The following INSC variants were observed in gnomAD, a reference collection of about 807,000 sequenced individuals.
The protein encoded by INSC is INSC spindle orientation adaptor protein, also known as protein inscuteable homolog.
A neutral mutation model predicts 58.6 loss-of-function variants in INSC; 67 were observed. The ratio of observed to expected loss-of-function variants is 1.14; its 90% CI spans 0.94 to 1.40. INSC has a LOEUF of 1.40. Ranked by LOEUF, INSC falls within the 40% of genes most tolerant of loss-of-function variation. The pLI is 0.00. For synonymous variants in INSC, 262 were observed against 276.1 expected (o/e 0.95, Z 0.51); for missense variants, 714 against 692.0 (o/e 1.03, Z -0.36).
intron 1 of INSC, among the ~76,000 whole-genome samples, chr11:15,137,113 T>A (rs1212474148): frequency 6.6e-6 from 1 of 152,220 alleles, no homozygotes; most frequent in Non-Finnish European, 1.5e-5. Context: ...GTATCATCAA[T>A]GAGCAATAAT....
chr11:15,124,214 A>G (rs1478445414), intron 1 of INSC, among the ~76,000 whole-genome samples: 1 of 152,150 alleles, frequency 6.6e-6, no homozygotes, highest in Non-Finnish European at 1.5e-5. Context: ...TATGGTCCTC[A>G]CAGCTCAGAA....
upstream of INSC, chr11:15,112,412 G>A (rs79196423): frequency 8.2e-4 from 1,157 of 1,413,830 alleles, 14 homozygotes; most frequent in East Asian, 0.024. Flanking sequence ...AGGGAAAGAA[G>A]CTGTTCACAG....
At chr11:15,183,927 A>T (rs1464032153) in intron 5 of INSC, among the ~76,000 whole-genome samples, 1 of 152,204 alleles carries the variant, frequency 6.6e-6, no homozygotes, top group Admixed American at 6.5e-5. Flanking sequence ...ACTGCCTGTT[A>T]ACAAAAGAAA....
At chr11:15,149,318 G>A (rs942604340) in intron 2 of INSC, 88 bp downstream of exon 2, 77 of 1,297,170 alleles carry the variant, frequency 5.9e-5, no homozygotes, top group Non-Finnish European at 7.5e-5. Context: ...GGCTGCAGGT[G>A]ACCCCATCTT....
At position 15,240,426 on chromosome 11, in the gene INSC, C is replaced by T. The variant is rs146629692; in HGVS notation, c.1394-21C>T. The stretch of plus-strand genomic sequence containing the variant: ...GCTGGGCCCTGTCCTGGGCCTGAGG[C>T]TCTCCCTGTGTCTCCTACAGGCATG... On this transcript the variant is annotated intron_variant, in intron 11 of 12. Coordinates refer to ENST00000379556, the MANE Select transcript of INSC (RefSeq NM_001042536.3). The T allele has an allele frequency of 3.1e-6, 5 of 1,608,952 alleles. No homozygotes were observed. In the Admixed American group the frequency reaches 6.7e-5, roughly 21 times the overall value.
At chr11:15,204,882 C>T (rs184675798) in intron 7 of INSC, among the ~76,000 whole-genome samples, 57 of 152,308 alleles carry the variant, frequency 3.7e-4, no homozygotes, top group Admixed American at 1.2e-3. Flanking sequence ...TTCCTTCAAC[C>T]GTGAAGAGGT....
intron 7 of INSC, among the ~76,000 whole-genome samples, chr11:15,203,030 T>C (rs761599693): frequency 5.3e-5 from 8 of 152,212 alleles, no homozygotes; most frequent in Admixed American, 6.5e-5. Context: ...CATATGTCCT[T>C]TCATTAATGC....
intron 7 of INSC, among the ~76,000 whole-genome samples, chr11:15,218,496 G>T (rs1851307383): frequency 6.6e-6 from 1 of 151,924 alleles, no homozygotes; most frequent in Non-Finnish European, 1.5e-5. Context: ...TTGGATATTA[G>T]GCATATACAT....
chr11:15,175,892 C>T lies in INSC; in HGVS notation c.208C>T (p.Pro70Ser). 1 of 1,614,072 alleles carries T rather than the reference C, an allele frequency of 6.2e-7. No individual in the cohort carries two copies. Among genetic ancestry groups the T allele is most frequent in the Non-Finnish European group, 8.5e-7 (1 of 1,179,958 alleles). ...CCTCATCCTGGCAGGTGGCCCTGGC[C>T]CTGGAGACCCCCTGCAGCTGCTGCT... Reference protein sequence around the residue: ...GDLILAGGPGPGDPLQLLLKR... With the variant: ...GDLILAGGPGSGDPLQLLLKR... The change falls in exon 3 of 13, where the codon CCT becomes TCT. Residue 70 changes from proline to serine, a missense_variant. Physicochemically the swap from Pro to Ser is moderately conservative, Grantham distance 74 (BLOSUM62 -1). Coordinates refer to ENST00000379556, the MANE Select transcript of INSC (RefSeq NM_001042536.3).
chr11:15,167,718 A>G (rs1457415701), intron 2 of INSC, among the ~76,000 whole-genome samples: 5 of 151,998 alleles, frequency 3.3e-5, no homozygotes, highest in Admixed American at 2.6e-4. Flanking sequence ...TCCTAGTTTC[A>G]AGGGATCCTC....
At chr11:15,204,790 C>T (rs962426781) in intron 7 of INSC, among the ~76,000 whole-genome samples, 2 of 152,350 alleles carry the variant, frequency 1.3e-5, no homozygotes, top group Admixed American at 6.5e-5. Context: ...GGCCTTCTCA[C>T]TGAGGTTCGC....
chr11:15,265,107 G>C, the INSC span, among the ~76,000 whole-genome samples: 1 of 152,112 alleles, frequency 6.6e-6, no homozygotes, highest in Non-Finnish European at 1.5e-5. Flanking sequence ...GTATAGATCA[G>C]TAGTAAATGC....
In INSC at chr11:15,182,724, T is replaced by G. The variant is rs149465855; in HGVS notation, c.579+4277T>G. 3.6e-3 allele frequency among the ~76,000 whole-genome samples: 541 copies of G among 152,326 alleles called. 5 individuals are homozygous for G. Among genetic ancestry groups the G allele is most frequent in the African/African-American group, 0.013 (522 of 41,572 alleles). ...TTTCAAATGCACTGCATTCCCCAGG[T>G]TCTCAAAGATTTCCCAGGAGAAATG... On this transcript the variant is annotated intron_variant, in intron 5 of 12. Transcript: ENST00000379556.
chr11:15,127,479 G>C (rs548937869), intron 1 of INSC, among the ~76,000 whole-genome samples: 1 of 152,294 alleles, frequency 6.6e-6, no homozygotes, highest in East Asian at 1.9e-4. Flanking sequence ...CTAGGCACCA[G>C]GGTTCGCGTC....
In INSC at chr11:15,192,647, C is replaced by T. The variant is rs369607125; in HGVS notation, c.693+1833C>T. 5.9e-5 allele frequency among the ~76,000 whole-genome samples: 9 copies of T among 152,344 alleles called. No homozygotes were observed. In the East Asian group the frequency reaches 1.7e-3, roughly 29 times the overall value. On this transcript the variant is annotated intron_variant, in intron 6 of 12. Transcript: ENST00000379556. ...AAAATCTCTGAGAGTTGGGAGGGAA[C>T]TGAAGTTCATCCGACCTTCAACTTT...
At chr11:15,195,281 A>G (rs998462765) in intron 6 of INSC, among the ~76,000 whole-genome samples, 4 of 152,168 alleles carry the variant, frequency 2.6e-5, no homozygotes, top group Non-Finnish European at 5.9e-5. Flanking sequence ...AAGTAGCTGA[A>G]CTTCTTTTGG....
intron 1 of INSC, among the ~76,000 whole-genome samples, chr11:15,127,091 G>GGCCACTGCAAGAGGAAAAA (rs1219310145): frequency 6.6e-6 from 1 of 152,194 alleles, no homozygotes; most frequent in African/African-American, 2.4e-5. Flanking sequence ...TTGTGCCTGA[G>GGCCACTGCAAGAGGAAAAA]GCCACTGCAA....
At chr11:15,182,782 C>A (rs1359100675) in intron 5 of INSC, among the ~76,000 whole-genome samples, 1 of 152,136 alleles carries the variant, frequency 6.6e-6, no homozygotes, top group East Asian at 1.9e-4. Context: ...AATCTTATTT[C>A]CAGATCTTCA....
chr11:15,223,563 TA>T (rs1442373458), intron 8 of INSC, among the ~76,000 whole-genome samples: 2 of 152,140 alleles, frequency 1.3e-5, no homozygotes, highest in African/African-American at 4.8e-5. Context: ...GCAGCAAAAT[TA>T]AAAGGCACTT....
Sources: gnomAD v4.1 joint callset for allele counts (sites outside exome capture counted in the v4.1 genomes callset) on GRCh38, gnomAD v4.1.1 for gene constraint, MANE v1.5 for transcripts, NCBI Gene and HGNC (gene_info 2026-07-23, HGNC 2026-07-21) for gene names.